Variants in RBFOX1 observed in about 807,000 individuals in gnomAD.
RBFOX1 encodes the protein RNA binding protein fox-1 homolog 1.
RBFOX1 carries 8 observed loss-of-function variants against 57.7 expected under a neutral mutation model. The observed-to-expected ratio is 0.14, with a 90% confidence interval of 0.08 to 0.25. The LOEUF is 0.25. Ranked by LOEUF, RBFOX1 falls within the 10% of genes least tolerant of loss-of-function variation. The probability of loss-of-function intolerance (pLI) is 1.00; values close to 1 mark genes in which losing one functional copy is unlikely to be tolerated. For missense variants in RBFOX1, 611 were observed against 548.5 expected (o/e 1.11, Z -1.14); for synonymous variants, 326 against 222.4 (o/e 1.47, Z -4.15).
At chr16:6,931,843 G>A (rs1416496022) in intron 3 of RBFOX1, among the ~76,000 whole-genome samples, 3 of 152,138 alleles carry the variant, frequency 2.0e-5, no homozygotes, top group African/African-American at 7.2e-5. Flanking sequence ...AAGTCCAAGA[G>A]CATGGCACTG....
At chr16:5,600,546 C>T (rs986451381), downstream of RBFOX1, among the ~76,000 whole-genome samples, 3 of 150,412 alleles carry the variant, frequency 2.0e-5, no homozygotes, top group African/African-American at 4.9e-5. Context: ...TGAGTGTGCT[C>T]TGTATTTGGA....
chr16:6,685,521 C>A (rs1398109791), intron 3 of RBFOX1, among the ~76,000 whole-genome samples: 1 of 150,738 alleles, frequency 6.6e-6, no homozygotes, highest in East Asian at 2.0e-4. Flanking sequence ...CTCCTCACCT[C>A]CGGTGATCCG....
chr16:5,547,972 C>G (rs1175027288), intron 2 of RBFOX1, among the ~76,000 whole-genome samples: 1 of 151,330 alleles, frequency 6.6e-6, no homozygotes, highest in Non-Finnish European at 1.5e-5. Flanking sequence ...TCAGCCTGGC[C>G]AACATGGTGA....
At position 5,490,164 on chromosome 16, in the gene RBFOX1, G is replaced by A. The variant is rs140895809; in HGVS notation, c.258+22910G>A. Reference sequence around the variant, plus strand: ...ATTTTCCCCTTCTTTCTGTGGCCACGCAGTGATGGTGGAAGAGGTTAGGGA... The same window carrying A: ...ATTTTCCCCTTCTTTCTGTGGCCACACAGTGATGGTGGAAGAGGTTAGGGA... On this transcript the variant is annotated intron_variant, in intron 2 of 2. Transcript: ENST00000585867. Among the ~76,000 whole-genome samples the A allele has an allele frequency of 2.3e-3, 358 of 152,342 alleles. 1 individual carries two copies. Among genetic ancestry groups the A allele is most frequent in the African/African-American group, 7.7e-3 (322 of 41,576 alleles).
intron 3 of RBFOX1, among the ~76,000 whole-genome samples, chr16:7,017,603 C>G (rs942298064): frequency 3.3e-5 from 5 of 152,124 alleles, no homozygotes; most frequent in African/African-American, 7.2e-5. Context: ...AGGCTGGGGT[C>G]AAGGTACATT....
intron 3 of RBFOX1, among the ~76,000 whole-genome samples, chr16:5,829,612 C>T (rs2056193772): frequency 6.6e-6 from 1 of 152,050 alleles, no homozygotes; most frequent in South Asian, 2.1e-4. Flanking sequence ...TTCTTTCTCT[C>T]TTCAGTAACA....
At chr16:6,095,116 A>G (rs1397724477) in intron 1 of RBFOX1, among the ~76,000 whole-genome samples, 3 of 152,204 alleles carry the variant, frequency 2.0e-5, no homozygotes, top group African/African-American at 7.2e-5. Flanking sequence ...ATTCCTTAGC[A>G]CCTAATAAGT....
In RBFOX1 at chr16:6,921,112, A is replaced by C. The variant is rs1046303950; in HGVS notation, c.-15-130945A>C. Among the ~76,000 whole-genome samples the C allele has an allele frequency of 1.3e-5, 2 of 152,126 alleles. 1 individual carries two copies. The highest frequency in any genetic ancestry group is 1.3e-4 in the Admixed American group (2 of 15,262). On this transcript the variant is annotated intron_variant, in intron 3 of 15. Coordinates refer to ENST00000550418, the MANE Select transcript of RBFOX1 (RefSeq NM_018723.4). ...ATTCGTTAGCTTTGTGACCATTGATAAGTTTCCTAAACTCCCCCAGGCTGC... is the reference window on the plus strand; with the variant it reads ...ATTCGTTAGCTTTGTGACCATTGATCAGTTTCCTAAACTCCCCCAGGCTGC...
intron 1 of RBFOX1, among the ~76,000 whole-genome samples, chr16:6,118,525 C>T (rs1175932911): frequency 6.6e-6 from 1 of 152,058 alleles, no homozygotes. Flanking sequence ...GTGGCTGCTG[C>T]TGCCGCCGCC....
At chr16:6,896,782 A>G (rs554038909) in intron 3 of RBFOX1, among the ~76,000 whole-genome samples, 130 of 152,332 alleles carry the variant, frequency 8.5e-4, no homozygotes, top group Admixed American at 1.5e-3. Context: ...ACAAATGTAC[A>G]TGAGAGGTGG....
intron 4 of RBFOX1, among the ~76,000 whole-genome samples, chr16:7,504,741 A>ATATATT (rs1555526355): frequency 0.01 from 107 of 10,258 alleles, 3 homozygotes; most frequent in Non-Finnish European, 0.019. Context: ...ATATATATAT[A>ATATATT]TATATATATA....
chr16:7,693,734 GT>G (rs2077933890), intron 14 of RBFOX1, among the ~76,000 whole-genome samples: 1 of 152,138 alleles, frequency 6.6e-6, no homozygotes, highest in African/African-American at 2.4e-5. Flanking sequence ...GACGTGTTAT[GT>G]CTGGGTTCAT....
chr16:6,709,904 A>G (rs1197453921), intron 3 of RBFOX1, among the ~76,000 whole-genome samples: 4 of 152,080 alleles, frequency 2.6e-5, no homozygotes, highest in African/African-American at 9.7e-5. Context: ...GGCCAGATGG[A>G]TCGCTGTTCT....
intron 3 of RBFOX1, among the ~76,000 whole-genome samples, chr16:7,030,591 T>G (rs1038732140): frequency 6.6e-6 from 1 of 152,156 alleles, no homozygotes; most frequent in Admixed American, 6.5e-5. Flanking sequence ...TGTGTGTTCT[T>G]TGCTATTTCG....
At chr16:6,674,979 C>T (rs1477937461) in intron 3 of RBFOX1, among the ~76,000 whole-genome samples, 1 of 152,112 alleles carries the variant, frequency 6.6e-6, no homozygotes, top group Non-Finnish European at 1.5e-5. Context: ...GATCTTGGCT[C>T]ACTGCAACCT....
intron 4 of RBFOX1, among the ~76,000 whole-genome samples, chr16:5,923,423 C>T (rs942754190): frequency 1.3e-5 from 2 of 151,776 alleles, no homozygotes; most frequent in Non-Finnish European, 2.9e-5. Context: ...AGCCCCAGCT[C>T]CAGCAAGGAC....
At chr16:6,998,266 G>C (rs1028323706) in intron 3 of RBFOX1, among the ~76,000 whole-genome samples, 1 of 152,096 alleles carries the variant, frequency 6.6e-6, no homozygotes, top group African/African-American at 2.4e-5. Flanking sequence ...AAGCCTATGG[G>C]GTTCTAGAAA....
At chr16:6,765,200 G>T (rs543249340) in intron 3 of RBFOX1, among the ~76,000 whole-genome samples, 46 of 152,212 alleles carry the variant, frequency 3.0e-4, no homozygotes, top group Middle Eastern at 3.4e-3. Flanking sequence ...AAGGGAGGGG[G>T]TGGACTAAAG....
chr16:5,583,489 A>C (rs1386196377), intron 2 of RBFOX1, among the ~76,000 whole-genome samples: 2 of 152,070 alleles, frequency 1.3e-5, no homozygotes, highest in Non-Finnish European at 2.9e-5. Context: ...ACGTCACTTT[A>C]CTTTTTTTTG....
Sources: allele counts gnomAD v4.1 joint callset (sites outside exome capture counted in the v4.1 genomes callset), GRCh38; gene constraint gnomAD v4.1.1; transcripts MANE v1.5; gene names NCBI Gene and HGNC (gene_info 2026-07-23, HGNC 2026-07-21).